The following CDH18 variants were observed in gnomAD, a reference collection of about 807,000 sequenced individuals.
The protein encoded by CDH18 is cadherin-18.
CDH18 carries 31 observed loss-of-function variants against 67.9 expected under a neutral mutation model. The observed-to-expected ratio is 0.46, with a 90% CI of 0.34 to 0.62. CDH18 has a LOEUF of 0.62. Among genes scored for constraint, CDH18 ranks in the 20% least tolerant of loss-of-function variants. The pLI is 0.01. For synonymous variants in CDH18, 362 were observed against 347.2 expected (o/e 1.04, Z -0.48); for missense variants, 890 against 975.5 (o/e 0.91, Z 1.17).
At chr5:19,667,493 TA>T (rs1704023500) in intron 5 of CDH18, among the ~76,000 whole-genome samples, 1 of 51,402 alleles carries the variant, frequency 1.9e-5, no homozygotes, top group Admixed American at 2.5e-4. Flanking sequence ...ATATATGTTA[TA>T]TATATATATA....
At chr5:20,095,338 AG>A (rs1745812131) in intron 2 of CDH18, among the ~76,000 whole-genome samples, 1 of 127,272 alleles carries the variant, frequency 7.9e-6, no homozygotes, top group Non-Finnish European at 1.7e-5. Context: ...AAAGAAAGAA[AG>A]AAAGAAAGAA....
At chr5:20,543,572 G>C (rs1184360388) in intron 1 of CDH18, among the ~76,000 whole-genome samples, 4 of 152,116 alleles carry the variant, frequency 2.6e-5, no homozygotes, top group Non-Finnish European at 5.9e-5. Flanking sequence ...ATTTTATATT[G>C]CTTTTAAATA....
chr5:20,508,215 C>T (rs940865227), intron 1 of CDH18, among the ~76,000 whole-genome samples: 2 of 150,978 alleles, frequency 1.3e-5, no homozygotes, highest in South Asian at 4.2e-4. Flanking sequence ...AACACAATGT[C>T]ACTTCAGAGT....
chr5:19,482,511 C>T (rs559074228), intron 12 of CDH18, among the ~76,000 whole-genome samples: 2 of 152,266 alleles, frequency 1.3e-5, no homozygotes. Flanking sequence ...TAATAACTAG[C>T]TAACATTAAT....
rs568779889 is a variant in CDH18 at position 20,038,571 on chromosome 5, T to G, written c.-517-46557A>C. On this transcript the variant is annotated intron_variant, in intron 2 of 14. Transcript: ENST00000507958. Reference sequence around the variant, plus strand: ...AAATCAACAAATGTAATCCATCACATAAACAACCCAATGACAAAAGCCATA... The same window carrying G: ...AAATCAACAAATGTAATCCATCACAGAAACAACCCAATGACAAAAGCCATA... Among the ~76,000 whole-genome samples the G allele has an allele frequency of 3.3e-5, 5 of 152,246 alleles. No individual in the cohort carries two copies. The South Asian group carries it at 1.0e-3, about 32-fold the overall frequency.
At chr5:20,094,236 G>A (rs1745687115) in intron 2 of CDH18, among the ~76,000 whole-genome samples, 1 of 152,086 alleles carries the variant, frequency 6.6e-6, no homozygotes, top group Non-Finnish European at 1.5e-5. Flanking sequence ...TTAGAGAATA[G>A]GTTAGTAAAT....
intron 1 of CDH18, among the ~76,000 whole-genome samples, chr5:20,510,278 A>G (rs1581130307): frequency 6.6e-6 from 1 of 152,216 alleles, no homozygotes; most frequent in East Asian, 1.9e-4. Context: ...AATTTCTTAC[A>G]TGGCTTGAAT....
intron 3 of CDH18, among the ~76,000 whole-genome samples, chr5:19,804,417 T>C (rs535723597): frequency 2.6e-5 from 4 of 152,282 alleles, no homozygotes; most frequent in South Asian, 2.1e-4. Flanking sequence ...TAATAAAATA[T>C]AGAAACTGAC....
chr5:19,548,401 C>A (rs2079751130), intron 8 of CDH18, among the ~76,000 whole-genome samples: 2 of 151,842 alleles, frequency 1.3e-5, no homozygotes, highest in Admixed American at 6.6e-5. Flanking sequence ...TAAACAATTT[C>A]TTCAAATTCT....
At chr5:19,646,587 T>C (rs1754774878) in intron 5 of CDH18, among the ~76,000 whole-genome samples, 1 of 152,142 alleles carries the variant, frequency 6.6e-6, no homozygotes, top group Admixed American at 6.6e-5. Flanking sequence ...GTGATCCACC[T>C]GCCTTGACCT....
intron 1 of CDH18, among the ~76,000 whole-genome samples, chr5:20,546,914 T>G (rs1757377019): frequency 6.6e-6 from 1 of 152,192 alleles, no homozygotes; most frequent in Non-Finnish European, 1.5e-5. Flanking sequence ...CAGAAATTGA[T>G]AAACCACTAG....
chr5:20,498,248 C>T (rs972890370), intron 1 of CDH18, among the ~76,000 whole-genome samples: 2 of 152,030 alleles, frequency 1.3e-5, no homozygotes, highest in Non-Finnish European at 2.9e-5. Flanking sequence ...TTTGTACCAG[C>T]AGTAGTAATT....
chr5:19,738,202 A>G (rs907544431), intron 4 of CDH18, among the ~76,000 whole-genome samples: 1 of 152,040 alleles, frequency 6.6e-6, no homozygotes, highest in Non-Finnish European at 1.5e-5. Context: ...GGGACTACGG[A>G]CCACTATAAT....
chr5:19,724,173 C>T (rs1206818648), intron 4 of CDH18, among the ~76,000 whole-genome samples: 1 of 152,106 alleles, frequency 6.6e-6, no homozygotes, highest in Non-Finnish European at 1.5e-5. Flanking sequence ...TGAAATATTA[C>T]TCAACAATAA....
At chr5:19,828,546 C>T (rs1023866641) in intron 3 of CDH18, among the ~76,000 whole-genome samples, 1 of 152,190 alleles carries the variant, frequency 6.6e-6, no homozygotes, top group African/African-American at 2.4e-5. Context: ...CCACCATGAT[C>T]AAGTAGGCTT....
At chr5:19,741,029 G>T (rs1769045783) in intron 4 of CDH18, among the ~76,000 whole-genome samples, 1 of 151,604 alleles carries the variant, frequency 6.6e-6, no homozygotes, top group African/African-American at 2.4e-5. Context: ...CCGCAATAAT[G>T]TTATAATGCC....
intron 2 of CDH18, among the ~76,000 whole-genome samples, chr5:20,126,772 C>A (rs1322532040): frequency 6.6e-6 from 1 of 152,048 alleles, no homozygotes; most frequent in Non-Finnish European, 1.5e-5. Context: ...GAAGCATCAC[C>A]TCATACCTGT....
chr5:19,689,955 A>C (rs576859855), intron 5 of CDH18, among the ~76,000 whole-genome samples: 1 of 151,766 alleles, frequency 6.6e-6, no homozygotes, highest in Non-Finnish European at 1.5e-5. Context: ...CAAGGTGATC[A>C]GAAGTAGTTA....
At chr5:19,602,710 T>A (rs1013888899) in intron 6 of CDH18, among the ~76,000 whole-genome samples, 2 of 152,060 alleles carry the variant, frequency 1.3e-5, no homozygotes, top group Non-Finnish European at 2.9e-5. Flanking sequence ...ATGCCTGTAA[T>A]CCTAGCATTT....
Sources: gnomAD v4.1 joint callset for allele counts (sites outside exome capture counted in the v4.1 genomes callset) on GRCh38, gnomAD v4.1.1 for gene constraint, MANE v1.5 for transcripts, NCBI Gene and HGNC (gene_info 2026-07-23, HGNC 2026-07-21) for gene names.